The following SHISAL1 variants were observed in gnomAD, a reference collection of about 807,000 sequenced individuals.
SHISAL1 encodes shisa like 1.
In SHISAL1, 9 loss-of-function variants were observed where a neutral mutation model predicts 22.6. The ratio of observed to expected loss-of-function variants is 0.40; its 90% CI spans 0.24 to 0.70. SHISAL1 has a LOEUF of 0.70. Ranked by LOEUF, SHISAL1 falls within the 30% of genes least tolerant of loss-of-function variation. The pLI is 0.39. For synonymous variants in SHISAL1, 119 were observed against 115.4 expected (o/e 1.03, Z -0.20); for missense variants, 246 against 270.6 (o/e 0.91, Z 0.64).
chr22:44,252,466 A>G (rs546565891), intron 4 of SHISAL1, among the ~76,000 whole-genome samples: 1 of 152,310 alleles, frequency 6.6e-6, no homozygotes, highest in South Asian at 2.1e-4. Flanking sequence ...TCTAGAAGAC[A>G]TACACACAGA....
chr22:44,260,409 G>T (rs1216594761), intron 4 of SHISAL1, among the ~76,000 whole-genome samples: 1 of 152,218 alleles, frequency 6.6e-6, no homozygotes, highest in African/African-American at 2.4e-5. Flanking sequence ...CCAGGACCTG[G>T]TGACAATTCA....
chr22:44,318,664 C>T, the SHISAL1 span, among the ~76,000 whole-genome samples: 31,414 of 152,262 alleles, frequency 0.21, 3,619 homozygotes, highest in African/African-American at 0.32. Context: ...TCAGAGCCCA[C>T]GCTAGGTGGT....
intron 1 of SHISAL1, among the ~76,000 whole-genome samples, chr22:44,306,636 C>G (rs13057934): frequency 9.3e-6 from 1 of 107,162 alleles, no homozygotes; most frequent in Non-Finnish European, 2.0e-5. Flanking sequence ...ATGACGATGG[C>G]GTGTGTGGAG....
rs117728320 is a variant in SHISAL1 at position 44,279,416 on chromosome 22, C to A, written c.599+6012G>T. Among the ~76,000 whole-genome samples, 66 of 152,334 alleles carry A rather than the reference C, an allele frequency of 4.3e-4. No homozygotes were observed. In the East Asian group the frequency reaches 7.9e-3, roughly 18 times the overall value. ...ATATTTGGTCATCTCCCTTTTCAGT[C>A]TCCTCATTTTCTGGAATTTCTTGCT... On this transcript the variant is annotated intron_variant, in intron 4 of 4. Transcript: ENST00000381176.
the SHISAL1 span, among the ~76,000 whole-genome samples, chr22:44,330,962 G>A: frequency 1.5e-3 from 232 of 152,138 alleles, 2 homozygotes; most frequent in African/African-American, 5.2e-3. Context: ...GGACCCCCAG[G>A]CCCCTCTGGG....
At chr22:44,320,283 T>C in the SHISAL1 span, among the ~76,000 whole-genome samples, 1 of 152,146 alleles carries the variant, frequency 6.6e-6, no homozygotes, top group South Asian at 2.1e-4. Context: ...CATGTCTGAG[T>C]TCCTATACAC....
chr22:44,269,558 TAC>T (rs1299313433), intron 4 of SHISAL1, among the ~76,000 whole-genome samples: 3 of 125,160 alleles, frequency 2.4e-5, no homozygotes, highest in South Asian at 2.6e-4. Flanking sequence ...GATACAACAC[TAC>T]ACACACTACA....
At chr22:44,266,797 G>A (rs868166029) in intron 4 of SHISAL1, among the ~76,000 whole-genome samples, 10 of 152,058 alleles carry the variant, frequency 6.6e-5, no homozygotes, top group Non-Finnish European at 8.8e-5. Context: ...TCAGCTCCAC[G>A]CCCGTCAGCT....
intron 4 of SHISAL1, among the ~76,000 whole-genome samples, chr22:44,260,028 G>T (rs2147271888): frequency 6.6e-6 from 1 of 152,214 alleles, no homozygotes; most frequent in Non-Finnish European, 1.5e-5. Context: ...CAAGACAACG[G>T]TGAGTTTACA....
At chr22:44,300,008 CAG>C (rs2055415509) in intron 2 of SHISAL1, among the ~76,000 whole-genome samples, 1 of 144,638 alleles carries the variant, frequency 6.9e-6, no homozygotes, top group Non-Finnish European at 1.5e-5. Context: ...AGGACAGAAA[CAG>C]AGAGACAGAG....
chr22:44,255,369 A>C (rs1380399075), intron 4 of SHISAL1, among the ~76,000 whole-genome samples: 5 of 152,146 alleles, frequency 3.3e-5, no homozygotes, highest in African/African-American at 1.2e-4. Context: ...CCAAAATCCC[A>C]ACCTTCCTCC....
Position 44,310,941 on chromosome 22 carries a change from AG to A in SHISAL1, c.-33+1809del, listed in dbSNP as rs756185964. Among the ~76,000 whole-genome samples the A allele has an allele frequency of 5.2e-4, 79 of 152,058 alleles. No homozygotes were observed. The highest frequency in any genetic ancestry group is 9.4e-4 in the Non-Finnish European group (64 of 68,012). ...AATAAATGTCTGCCGGCCATAGAGT[AG>A]GAACTCCATTAGCACTCGTTGGCCT... On this transcript the variant is annotated intron_variant, in intron 1 of 4. Coordinates refer to ENST00000381176, the MANE Select transcript of SHISAL1 (RefSeq NM_001099294.2). The surrounding 1 kb of genome is among the most constrained non-coding windows in gnomAD (Gnocchi z 4.0).
chr22:44,296,708 G>A lies in SHISAL1; in HGVS notation c.245C>T (p.Ala82Val), dbSNP rs772479372. Residue 82 changes from alanine (A) to valine (V), a missense_variant, in exon 3 of 5, where the codon GCG becomes GTG. Transcript: ENST00000381176. ...ACCCTCGGAGCTGGCCGTGAGGTTC[G>A]CCTGCATCACCGCCTGGAACTCCGT... ...NETEFQAVMQ[A>V]NLTASSEGYM... 28 of 1,613,836 alleles carry A rather than the reference G, an allele frequency of 1.7e-5. No homozygotes were observed. Among genetic ancestry groups the A allele is most frequent in the Admixed American group, 1.5e-4 (9 of 60,006 alleles).
chr22:44,283,364 C>CTG (rs2055289689), intron 4 of SHISAL1, among the ~76,000 whole-genome samples: 1 of 152,236 alleles, frequency 6.6e-6, no homozygotes, highest in African/African-American at 2.4e-5. Context: ...GTGCACAATC[C>CTG]CTGCAGGCTT....
At chr22:44,306,185 C>A (rs2055470323) in intron 1 of SHISAL1, among the ~76,000 whole-genome samples, 1 of 152,194 alleles carries the variant, frequency 6.6e-6, no homozygotes, top group Admixed American at 6.5e-5. Context: ...TTCAATAGCA[C>A]TGATGTTCAC....
At chr22:44,250,462 C>T (rs1173512448) in intron 4 of SHISAL1, among the ~76,000 whole-genome samples, 1 of 152,172 alleles carries the variant, frequency 6.6e-6, no homozygotes, top group East Asian at 1.9e-4. Flanking sequence ...TTGGCAGAGT[C>T]AAGTTGCAAA....
At chr22:44,328,319 T>C in the SHISAL1 span, among the ~76,000 whole-genome samples, 1 of 152,096 alleles carries the variant, frequency 6.6e-6, no homozygotes, top group Non-Finnish European at 1.5e-5. Context: ...TTGGGCCAGT[T>C]TTCTCATCTA....
the SHISAL1 span, among the ~76,000 whole-genome samples, chr22:44,324,684 G>A: frequency 6.6e-6 from 1 of 152,232 alleles, no homozygotes; most frequent in African/African-American, 2.4e-5. Flanking sequence ...GGAGCAAGCA[G>A]CGGAGACTTG....
intron 1 of SHISAL1, among the ~76,000 whole-genome samples, chr22:44,312,372 C>T (rs2055525664): frequency 6.6e-6 from 1 of 152,176 alleles, no homozygotes; most frequent in Non-Finnish European, 1.5e-5. Context: ...CTAGGCCATG[C>T]CGGACCCTCC....
Sources: allele counts gnomAD v4.1 joint callset (sites outside exome capture counted in the v4.1 genomes callset), GRCh38; gene constraint gnomAD v4.1.1; non-coding constraint Gnocchi (gnomAD v3.1); transcripts MANE v1.5; gene names NCBI Gene and HGNC (gene_info 2026-07-23, HGNC 2026-07-21).